Variants in ATP10B observed in about 807,000 individuals in gnomAD.
ATP10B encodes phospholipid-transporting ATPase VB.
ATP10B carries 122 observed loss-of-function variants against 141.2 expected under a neutral mutation model. The observed-to-expected ratio is 0.86, with a 90% CI of 0.75 to 1.00. ATP10B has a LOEUF of 1.00. Among genes scored for constraint, ATP10B ranks in the 50% least tolerant of loss-of-function variants. ATP10B has a pLI of 0.00. For missense variants in ATP10B, 1,876 were observed against 1,825.3 expected (o/e 1.03, Z -0.51); for synonymous variants, 685 against 692.0 (o/e 0.99, Z 0.16).
At chr5:160,915,749 T>C in the ATP10B span, among the ~76,000 whole-genome samples, 1 of 152,156 alleles carries the variant, frequency 6.6e-6, no homozygotes, top group Non-Finnish European at 1.5e-5. Flanking sequence ...CTGTAGGGTT[T>C]GGAAGAGATG....
At chr5:160,880,196 A>G in the ATP10B span, among the ~76,000 whole-genome samples, 2 of 126,458 alleles carry the variant, frequency 1.6e-5, no homozygotes, top group African/African-American at 2.8e-5. Flanking sequence ...ATTTTTATAT[A>G]TAGATTATAT....
chr5:160,600,822 T>C (rs1468041540), intron 21 of ATP10B, among the ~76,000 whole-genome samples: 1 of 152,224 alleles, frequency 6.6e-6, no homozygotes, highest in East Asian at 1.9e-4. Context: ...AGGCCAGGTT[T>C]TAATCCCCTC....
intron 6 of ATP10B, among the ~76,000 whole-genome samples, chr5:160,673,582 A>G (rs1458388143): frequency 6.7e-6 from 1 of 148,988 alleles, no homozygotes; most frequent in Non-Finnish European, 1.5e-5. Context: ...ATCTCCCCCC[A>G]ACCCTCACTT....
chr5:160,901,888 A>C, the ATP10B span, among the ~76,000 whole-genome samples: 23 of 152,156 alleles, frequency 1.5e-4, no homozygotes, highest in Non-Finnish European at 2.9e-4. Context: ...TATAGATGAC[A>C]CCTTACTTAA....
At chr5:160,913,246 CTG>C in the ATP10B span, among the ~76,000 whole-genome samples, 8 of 152,216 alleles carry the variant, frequency 5.3e-5, no homozygotes, top group Non-Finnish European at 1.0e-4. Flanking sequence ...CTGAACCACA[CTG>C]TGAAACTCAG....
chr5:160,755,918 A>G (rs1211154628), intron 2 of ATP10B, among the ~76,000 whole-genome samples: 2 of 140,348 alleles, frequency 1.4e-5, no homozygotes, highest in East Asian at 4.2e-4. Flanking sequence ...GTGGTCTGTC[A>G]TGTACCAAAA....
intron 2 of ATP10B, among the ~76,000 whole-genome samples, chr5:160,729,351 C>T (rs1399246414): frequency 3.3e-5 from 5 of 152,142 alleles, no homozygotes; most frequent in African/African-American, 1.2e-4. Context: ...TTTCTTCTGT[C>T]CTTCTGCCTT....
chr5:160,891,517 G>C, the ATP10B span, among the ~76,000 whole-genome samples: 1 of 152,242 alleles, frequency 6.6e-6, no homozygotes, highest in African/African-American at 2.4e-5. Flanking sequence ...GTGCAGTGGC[G>C]CAGTCTCAAC....
chr5:160,636,373 T>C lies in ATP10B; in HGVS notation c.1001-64A>G, dbSNP rs912565121. 56 of 1,547,366 alleles carry C rather than the reference T, an allele frequency of 3.6e-5. No homozygotes were observed. In the Admixed American group the frequency reaches 5.0e-4, roughly 14 times the overall value. On this transcript the variant is annotated intron_variant, in intron 10 of 25. Transcript: ENST00000327245. ...ACTAAGTCCTAAAGTTGGTCAATTA[T>C]ACCAGCCCTTGACACATTCCTAGAA...
chr5:160,616,663 C>T (rs1164995472), intron 16 of ATP10B, among the ~76,000 whole-genome samples: 1 of 152,218 alleles, frequency 6.6e-6, no homozygotes, highest in Non-Finnish European at 1.5e-5. Flanking sequence ...ACATTACATG[C>T]ATATGGTGTC....
chr5:160,767,640 C>CCCCCT (rs1554113837), intron 2 of ATP10B, among the ~76,000 whole-genome samples: 1 of 117,304 alleles, frequency 8.5e-6, no homozygotes, highest in Non-Finnish European at 1.8e-5. Flanking sequence ...GCAGAACCCC[C>CCCCCT]CCCCCCAAAA....
chr5:160,660,111 G>A (rs1420847665), intron 7 of ATP10B, among the ~76,000 whole-genome samples: 2 of 152,152 alleles, frequency 1.3e-5, no homozygotes, highest in African/African-American at 4.8e-5. Flanking sequence ...TATTTAATGT[G>A]GATGAGGTGG....
intron 1 of ATP10B, among the ~76,000 whole-genome samples, chr5:160,803,240 A>T (rs548636776): frequency 1.6e-3 from 245 of 152,320 alleles, no homozygotes; most frequent in African/African-American, 5.7e-3. Context: ...AAGAAACCAC[A>T]CTATCACTGC....
chr5:160,792,551 A>G (rs971221769), intron 1 of ATP10B, among the ~76,000 whole-genome samples: 1 of 151,810 alleles, frequency 6.6e-6, no homozygotes, highest in African/African-American at 2.4e-5. Flanking sequence ...TCTTTCCCCC[A>G]CTTCTTTTCT....
Position 160,785,735 on chromosome 5 carries a change from C to T in ATP10B, c.-507G>A, listed in dbSNP as rs927821510. The T allele has an allele frequency of 4.3e-5, 54 of 1,244,860 alleles. No individual in the cohort carries two copies. The highest frequency in any genetic ancestry group is 5.5e-5 in the Non-Finnish European group (53 of 961,108). The allele number at this position is 1,244,860 out of a possible 1,614,324, so 77.1% of individuals were successfully genotyped here. A position where few individuals can be genotyped will look rare whatever the true frequency, so the allele number is the denominator to read the frequency against. On this transcript the variant is annotated 5_prime_UTR_variant, in exon 2 of 26. Coordinates refer to ENST00000327245, the MANE Select transcript of ATP10B (RefSeq NM_025153.3). Reference sequence around the variant, plus strand: ...GATGAATAATAGGAAAAACTACTTACTCTTCACACTGTTGCTTTCATTGAA... The same window carrying T: ...GATGAATAATAGGAAAAACTACTTATTCTTCACACTGTTGCTTTCATTGAA...
intron 24 of ATP10B, among the ~76,000 whole-genome samples, chr5:160,570,991 C>T (rs1754840808): frequency 6.6e-6 from 1 of 152,096 alleles, no homozygotes; most frequent in Admixed American, 6.5e-5. Flanking sequence ...CTCTTAAAGC[C>T]TGCTTGCTTT....
chr5:160,895,172 T>C, the ATP10B span, among the ~76,000 whole-genome samples: 1 of 152,156 alleles, frequency 6.6e-6, no homozygotes, highest in Non-Finnish European at 1.5e-5. Flanking sequence ...GCAGCTAGCA[T>C]CATAATGACA....
intron 1 of ATP10B, among the ~76,000 whole-genome samples, chr5:160,833,813 G>A (rs573500440): frequency 6.6e-5 from 10 of 152,182 alleles, no homozygotes; most frequent in South Asian, 2.1e-4. Context: ...GAGAAGACGC[G>A]TTTTAAATCT....
Position 160,649,267 on chromosome 5 carries a change from G to A in ATP10B, c.676-11C>T, listed in dbSNP as rs1313937028. ...TTCGAACTGTACCTCCTGTGAGAGA[G>A]AGGACTCTGTGAGTTTATTAATTCA... On this transcript the variant is annotated splice_polypyrimidine_tract_variant and intron_variant, in intron 7 of 25. Transcript: ENST00000327245. The A allele has an allele frequency of 6.2e-7, 1 of 1,604,588 alleles. No homozygotes were observed. The highest frequency in any genetic ancestry group is 1.1e-5 in the South Asian group (1 of 90,850).
Sources: allele counts gnomAD v4.1 joint callset (sites outside exome capture counted in the v4.1 genomes callset), GRCh38; gene constraint gnomAD v4.1.1; transcripts MANE v1.5; gene names NCBI Gene and HGNC (gene_info 2026-07-23, HGNC 2026-07-21).